Variants in LSAMP observed in about 807,000 individuals in gnomAD.
The protein encoded by LSAMP is limbic system associated membrane protein, also known as limbic system-associated membrane protein.
In LSAMP, 7 loss-of-function variants were observed where a neutral mutation model predicts 38.6. The ratio of observed to expected loss-of-function variants is 0.18; its 90% CI spans 0.10 to 0.34. The LOEUF (loss-of-function observed/expected upper bound fraction) is 0.34, where lower values mean the gene tolerates loss of function less well. Among genes scored for constraint, LSAMP ranks in the 10% least tolerant of loss-of-function variants. LSAMP has a pLI of 1.00. For synonymous variants in LSAMP, 154 were observed against 166.8 expected, an observed-to-expected ratio of 0.92 and a Z score of 0.59; for missense variants, 313 against 420.0, an observed-to-expected ratio of 0.75 and a Z score of 2.23.
intron 3 of LSAMP, among the ~76,000 whole-genome samples, chr3:115,910,571 T>A (rs897645939): frequency 6.6e-6 from 1 of 152,182 alleles, no homozygotes; most frequent in African/African-American, 2.4e-5. Context: ...AACGTTAACA[T>A]CTTGCATAAT....
intron 2 of LSAMP, among the ~76,000 whole-genome samples, chr3:116,046,404 G>GA (rs202168544): frequency 7.6e-4 from 113 of 149,312 alleles, no homozygotes; most frequent in African/African-American, 2.0e-3. Flanking sequence ...AAAGAAACAG[G>GA]AAAAAAAAAA....
intron 3 of LSAMP, among the ~76,000 whole-genome samples, chr3:115,853,767 C>T (rs751794701): frequency 5.3e-5 from 8 of 152,164 alleles, no homozygotes; most frequent in Non-Finnish European, 1.2e-4. Context: ...CCCAAAATTT[C>T]AAAACTCCAC....
At chr3:116,127,092 T>C (rs1004517998) in intron 1 of LSAMP, among the ~76,000 whole-genome samples, 3 of 152,234 alleles carry the variant, frequency 2.0e-5, no homozygotes, top group Non-Finnish European at 4.4e-5. Context: ...CTGCGGTTTA[T>C]TTACAGGGAA....
intron 1 of LSAMP, among the ~76,000 whole-genome samples, chr3:116,254,008 C>T (rs2107651440): frequency 6.6e-6 from 1 of 152,282 alleles, no homozygotes; most frequent in East Asian, 1.9e-4. Context: ...CTTTTATCTT[C>T]TAACGTCCAG....
At chr3:116,172,924 G>A (rs1032832999) in intron 1 of LSAMP, among the ~76,000 whole-genome samples, 1 of 151,842 alleles carries the variant, frequency 6.6e-6, no homozygotes, top group African/African-American at 2.4e-5. Flanking sequence ...ATGGCTACTG[G>A]GAAAGAGGAT....
At chr3:116,014,462 C>T (rs969367212) in intron 3 of LSAMP, among the ~76,000 whole-genome samples, 1 of 151,838 alleles carries the variant, frequency 6.6e-6, no homozygotes, top group East Asian at 1.9e-4. Context: ...TCTATTTTCT[C>T]CTCTTTTAAA....
At chr3:115,931,459 CA>C (rs1317638282) in intron 3 of LSAMP, among the ~76,000 whole-genome samples, 21 of 152,156 alleles carry the variant, frequency 1.4e-4, no homozygotes, top group Non-Finnish European at 2.6e-4. Flanking sequence ...AATCAAGTGT[CA>C]GGGGGTTGGA....
intron 6 of LSAMP, among the ~76,000 whole-genome samples, chr3:115,836,569 G>C (rs1429944055): frequency 2.0e-5 from 3 of 152,168 alleles, no homozygotes; most frequent in African/African-American, 4.8e-5. Flanking sequence ...CTATAAGGTT[G>C]GCCCTATATA....
At chr3:116,236,697 G>A (rs1181652158) in intron 1 of LSAMP, among the ~76,000 whole-genome samples, 1 of 151,822 alleles carries the variant, frequency 6.6e-6, no homozygotes, top group African/African-American at 2.4e-5. Flanking sequence ...AACACCTTTG[G>A]GCCCACAAGT....
chr3:116,281,107 A>C (rs2047121268), intron 1 of LSAMP, among the ~76,000 whole-genome samples: 1 of 152,164 alleles, frequency 6.6e-6, no homozygotes, highest in East Asian at 1.9e-4. Context: ...CAGGCATGAG[A>C]GCTAAGGGAT....
At chr3:115,953,785 G>C (rs1429103297) in intron 3 of LSAMP, among the ~76,000 whole-genome samples, 2 of 152,190 alleles carry the variant, frequency 1.3e-5, no homozygotes, top group Non-Finnish European at 2.9e-5. Context: ...TCCTCTCACT[G>C]TGCTGTAACC....
intron 1 of LSAMP, among the ~76,000 whole-genome samples, chr3:116,298,290 T>G (rs1404925165): frequency 6.6e-6 from 1 of 152,180 alleles, no homozygotes; most frequent in Non-Finnish European, 1.5e-5. Context: ...AGACCCTCCT[T>G]CTGTTTCCCT....
chr3:116,248,961 G>C (rs2046639252), intron 1 of LSAMP, among the ~76,000 whole-genome samples: 1 of 151,934 alleles, frequency 6.6e-6, no homozygotes, highest in Non-Finnish European at 1.5e-5. Context: ...TCCTGGCTAA[G>C]ATGGTGAGAC....
At chr3:115,916,775 T>G (rs1346635987) in intron 3 of LSAMP, among the ~76,000 whole-genome samples, 3 of 152,278 alleles carry the variant, frequency 2.0e-5, no homozygotes, top group Non-Finnish European at 2.9e-5. Context: ...AGCTGTGAGA[T>G]TTTGTCACTT....
intron 3 of LSAMP, among the ~76,000 whole-genome samples, chr3:115,960,278 A>G (rs1274056286): frequency 6.6e-6 from 1 of 152,230 alleles, no homozygotes; most frequent in Non-Finnish European, 1.5e-5. Flanking sequence ...ATGAAAACAC[A>G]GAACAACCTA....
intron 1 of LSAMP, among the ~76,000 whole-genome samples, chr3:116,209,083 T>A (rs1442568214): frequency 1.3e-5 from 2 of 152,186 alleles, no homozygotes; most frequent in Non-Finnish European, 2.9e-5. Context: ...CTGAGCCAGG[T>A]GCGGGATATA....
intron 1 of LSAMP, among the ~76,000 whole-genome samples, chr3:116,261,535 T>C (rs1343252394): frequency 1.3e-5 from 2 of 152,216 alleles, no homozygotes; most frequent in African/African-American, 4.8e-5. Flanking sequence ...ATCTTTCTCA[T>C]ATCTTTGAAT....
chr3:116,083,653 C>T (rs543029755), intron 2 of LSAMP, among the ~76,000 whole-genome samples: 10 of 152,104 alleles, frequency 6.6e-5, no homozygotes, highest in East Asian at 5.8e-4. Context: ...GAAACCATGG[C>T]GGATGATCAT....
intron 2 of LSAMP, among the ~76,000 whole-genome samples, chr3:116,049,913 G>A (rs1185595618): frequency 6.6e-6 from 1 of 152,126 alleles, no homozygotes; most frequent in Non-Finnish European, 1.5e-5. Flanking sequence ...CAGAGAAGCT[G>A]TCCCTTCAAA....
Sources: allele counts gnomAD v4.1 joint callset (sites outside exome capture counted in the v4.1 genomes callset), GRCh38; gene constraint gnomAD v4.1.1; transcripts MANE v1.5; gene names NCBI Gene and HGNC (gene_info 2026-07-23, HGNC 2026-07-21).